IL1RAPL1: variants seen among roughly 807,000 people sequenced by gnomAD.
The protein encoded by IL1RAPL1 is interleukin 1 receptor accessory protein like 1.
In IL1RAPL1, 3 loss-of-function variants were observed where a neutral mutation model predicts 48.4. The ratio of observed to expected loss-of-function variants is 0.06; its 90% CI spans 0.03 to 0.16. The LOEUF is 0.16. Ranked by LOEUF, IL1RAPL1 falls within the 10% of genes least tolerant of loss-of-function variation. The probability of loss-of-function intolerance (pLI) is 1.00; values close to 1 mark genes in which losing one functional copy is unlikely to be tolerated. For synonymous variants in IL1RAPL1, 185 were observed against 187.7 expected (o/e 0.99, Z 0.12); for missense variants, 349 against 530.6 (o/e 0.66, Z 3.36).
chrX:28,648,729 T>C lies in IL1RAPL1; in HGVS notation c.-25+60682T>C, dbSNP rs952775169. ...AAAGCCAGGATTTTGAGACAGGATT[T>C]CAAAAAATTGTACTTTGTAAGTTCT... is the stretch of plus-strand genomic sequence containing the variant. On this transcript the variant is annotated intron_variant, in intron 1 of 10. Coordinates refer to ENST00000378993, the MANE Select transcript of IL1RAPL1 (RefSeq NM_014271.4). Among the ~76,000 whole-genome samples the C allele has an allele frequency of 4.5e-5, 5 of 111,846 alleles. No individual in the cohort carries two copies. In the South Asian group the frequency reaches 1.1e-3, roughly 25 times the overall value.
intron 6 of IL1RAPL1, among the ~76,000 whole-genome samples, chrX:29,868,526 C>T (rs1938312682): frequency 8.9e-6 from 1 of 112,019 alleles, no homozygotes. Context: ...TAATGCTTAA[C>T]ACAATGCGTG....
At chrX:29,235,325 T>C (rs993466701) in intron 2 of IL1RAPL1, among the ~76,000 whole-genome samples, 21 of 111,792 alleles carry the variant, frequency 1.9e-4, no homozygotes, top group African/African-American at 6.5e-4. Flanking sequence ...CAACGGTTGT[T>C]ATTGTTTTTA....
At chrX:28,894,627 T>G (rs1352202998) in intron 2 of IL1RAPL1, among the ~76,000 whole-genome samples, 5 of 110,745 alleles carry the variant, frequency 4.5e-5, no homozygotes. Context: ...TTAGGAGTTA[T>G]GAGAACTGTA....
chrX:28,721,728 G>A (rs1451886634), intron 1 of IL1RAPL1, among the ~76,000 whole-genome samples: 1 of 111,267 alleles, frequency 9.0e-6, no homozygotes, highest in Non-Finnish European at 1.9e-5. Context: ...ATGGTTTTAG[G>A]TCTGACATTT....
intron 3 of IL1RAPL1, among the ~76,000 whole-genome samples, chrX:29,351,446 T>C (rs1264413812): frequency 8.9e-6 from 1 of 111,830 alleles, no homozygotes; most frequent in East Asian, 2.8e-4. Flanking sequence ...GGAGACGATG[T>C]GAATAAAACA....
intron 1 of IL1RAPL1, among the ~76,000 whole-genome samples, chrX:28,619,607 CAAA>C (rs55856491): frequency 1.0e-4 from 6 of 57,253 alleles, no homozygotes; most frequent in Admixed American, 2.2e-4. Context: ...ACCCCGTCTC[CAAA>C]AAAAAAAAAA....
chrX:29,519,293 A>G (rs139673068), intron 5 of IL1RAPL1, among the ~76,000 whole-genome samples: 1,396 of 111,716 alleles, frequency 0.012, 18 homozygotes, highest in African/African-American at 0.041. Context: ...TTTCTCTTAT[A>G]TCATTCTTAA....
At chrX:29,382,964 C>A (rs1239870399) in intron 3 of IL1RAPL1, among the ~76,000 whole-genome samples, 1 of 111,836 alleles carries the variant, frequency 8.9e-6, no homozygotes, top group African/African-American at 3.2e-5. Flanking sequence ...TGATTTATCT[C>A]TTTTATGAGG....
intron 2 of IL1RAPL1, among the ~76,000 whole-genome samples, chrX:28,823,591 G>A (rs771299593): frequency 9.0e-6 from 1 of 111,621 alleles, no homozygotes; most frequent in South Asian, 3.7e-4. Context: ...ATTTCTAGAG[G>A]TCAGAAGTCC....
At chrX:29,515,270 C>T (rs1392253511) in intron 5 of IL1RAPL1, among the ~76,000 whole-genome samples, 3 of 112,462 alleles carry the variant, frequency 2.7e-5, no homozygotes, top group African/African-American at 9.7e-5. Flanking sequence ...AAACATCTTC[C>T]AAAAATTTCT....
chrX:29,352,238 G>A (rs1933240297), intron 3 of IL1RAPL1, among the ~76,000 whole-genome samples: 1 of 111,172 alleles, frequency 9.0e-6, no homozygotes, highest in African/African-American at 3.3e-5. Context: ...TGTAGGTACT[G>A]TATTTCTTTT....
intron 1 of IL1RAPL1, among the ~76,000 whole-genome samples, chrX:28,631,675 C>T (rs197000): frequency 0.4 from 44,016 of 111,129 alleles, 6,419 homozygotes; most frequent in South Asian, 0.54. Context: ...CGTCAAATCC[C>T]CCAAATCTTT....
chrX:29,337,835 C>T (rs182702347), intron 3 of IL1RAPL1, among the ~76,000 whole-genome samples: 64 of 109,881 alleles, frequency 5.8e-4, no homozygotes, highest in African/African-American at 1.7e-3. Context: ...TCACCACGCC[C>T]GGCTAATTTT....
At chrX:28,780,870 A>G (rs932258781) in intron 1 of IL1RAPL1, among the ~76,000 whole-genome samples, 2 of 110,410 alleles carry the variant, frequency 1.8e-5, no homozygotes, top group African/African-American at 6.6e-5. Flanking sequence ...TTATGCTTTC[A>G]TCTCCTTTCC....
chrX:29,499,175 C>T (rs747347804), intron 5 of IL1RAPL1, among the ~76,000 whole-genome samples: 1 of 112,043 alleles, frequency 8.9e-6, no homozygotes, highest in Non-Finnish European at 1.9e-5. Context: ...AATAGAACAG[C>T]CTCTAATTGA....
intron 1 of IL1RAPL1, among the ~76,000 whole-genome samples, chrX:28,615,220 T>TTG (rs1569138807): frequency 6.1e-4 from 52 of 84,610 alleles, no homozygotes; most frequent in Admixed American, 1.4e-3. Context: ...TTTTTTTTTT[T>TTG]TTTTTTTTTT....
At chrX:29,716,544 A>T (rs762861835) in intron 6 of IL1RAPL1, among the ~76,000 whole-genome samples, 4 of 112,169 alleles carry the variant, frequency 3.6e-5, no homozygotes, top group Non-Finnish European at 5.6e-5. Flanking sequence ...GAGTGTTTCA[A>T]ACCTTATTGA....
chrX:29,388,486 A>G (rs1489025138), intron 3 of IL1RAPL1, among the ~76,000 whole-genome samples: 1 of 112,556 alleles, frequency 8.9e-6, no homozygotes, highest in Non-Finnish European at 1.9e-5. Context: ...GCATGTTCAT[A>G]GCAGCATTAT....
chrX:29,241,837 ATTT>A (rs762625929), intron 2 of IL1RAPL1, among the ~76,000 whole-genome samples: 3 of 111,098 alleles, frequency 2.7e-5, no homozygotes, highest in Non-Finnish European at 5.7e-5. Context: ...TCTATATAAC[ATTT>A]TTTTTCCCCA....
Sources: allele counts gnomAD v4.1 joint callset (sites outside exome capture counted in the v4.1 genomes callset), GRCh38; gene constraint gnomAD v4.1.1; transcripts MANE v1.5; gene names NCBI Gene and HGNC (gene_info 2026-07-23, HGNC 2026-07-21).